PRKD1: variants seen among roughly 807,000 people sequenced by gnomAD.
PRKD1 encodes protein kinase D1, also known as serine/threonine-protein kinase D1.
Under a neutral mutation model 95.9 loss-of-function variants are expected in PRKD1, and 63 were observed. The ratio of observed to expected loss-of-function variants is 0.66; its 90% CI spans 0.54 to 0.81. The LOEUF is 0.81. Ranked by LOEUF, PRKD1 falls within the 30% of genes least tolerant of loss-of-function variation. The probability of loss-of-function intolerance (pLI) is 0.00; values close to 1 mark genes in which losing one functional copy is unlikely to be tolerated. For missense variants in PRKD1, 1,048 were observed against 1,165.3 expected (o/e 0.90, Z 1.47); for synonymous variants, 425 against 423.1 (o/e 1.00, Z -0.05).
At chr14:29,923,379 A>C (rs1305788703) in intron 1 of PRKD1, among the ~76,000 whole-genome samples, 1 of 152,162 alleles carries the variant, frequency 6.6e-6, no homozygotes, top group Non-Finnish European at 1.5e-5. Context: ...GTTTAAAAGG[A>C]GTTTGTTGGT....
At chr14:29,668,492 T>C (rs1303851351) in intron 2 of PRKD1, among the ~76,000 whole-genome samples, 8 of 152,204 alleles carry the variant, frequency 5.3e-5, no homozygotes, top group East Asian at 3.8e-4. Flanking sequence ...CAGCCTATTG[T>C]TATACTCCAG....
chr14:29,587,819 ATT>A (rs1040854013), intron 16 of PRKD1, among the ~76,000 whole-genome samples: 7 of 152,200 alleles, frequency 4.6e-5, no homozygotes, highest in Admixed American at 2.0e-4. Context: ...TGTATAAAAT[ATT>A]CTTTTATTAA....
intron 1 of PRKD1, among the ~76,000 whole-genome samples, chr14:29,907,995 T>C (rs1203134125): frequency 6.6e-6 from 1 of 152,212 alleles, no homozygotes. Flanking sequence ...TGTGGTTTTA[T>C]AGTTTATTTG....
chr14:29,645,796 G>T (rs1210331151), intron 4 of PRKD1, among the ~76,000 whole-genome samples: 2 of 151,856 alleles, frequency 1.3e-5, no homozygotes, highest in African/African-American at 4.8e-5. Context: ...TTATTCTTCA[G>T]ATTTCAGTTC....
At chr14:29,625,516 A>G (rs1879560546) in intron 12 of PRKD1, among the ~76,000 whole-genome samples, 1 of 152,132 alleles carries the variant, frequency 6.6e-6, no homozygotes, top group African/African-American at 2.4e-5. Context: ...TGCATTATGT[A>G]TATTTACCAT....
At chr14:29,712,428 A>T (rs1885378693) in intron 2 of PRKD1, among the ~76,000 whole-genome samples, 1 of 152,136 alleles carries the variant, frequency 6.6e-6, no homozygotes, top group Non-Finnish European at 1.5e-5. Flanking sequence ...GTTAGCCAGA[A>T]ATTTTTCATT....
At chr14:29,692,120 T>C (rs1398848968) in intron 2 of PRKD1, among the ~76,000 whole-genome samples, 2 of 152,192 alleles carry the variant, frequency 1.3e-5, no homozygotes, top group Non-Finnish European at 1.5e-5. Flanking sequence ...GTGTGAGTCA[T>C]TAATTTATGA....
chr14:29,763,764 T>G (rs769419330), intron 1 of PRKD1, among the ~76,000 whole-genome samples: 1 of 152,142 alleles, frequency 6.6e-6, no homozygotes, highest in Non-Finnish European at 1.5e-5. Context: ...CTCCTCTTTT[T>G]GCAGCTGCAA....
intron 1 of PRKD1, among the ~76,000 whole-genome samples, chr14:29,888,980 A>G (rs933536147): frequency 7.9e-5 from 12 of 152,176 alleles, no homozygotes; most frequent in Non-Finnish European, 1.5e-5. Context: ...TCAAGCATCT[A>G]TCTTTCCTAT....
chr14:29,607,993 A>G (rs772259686), intron 13 of PRKD1, among the ~76,000 whole-genome samples: 1 of 152,222 alleles, frequency 6.6e-6, no homozygotes, highest in Admixed American at 6.5e-5. Context: ...AAACTGAGGG[A>G]AAGAGTTCAC....
At chr14:29,829,780 CT>C (rs1891333362) in intron 1 of PRKD1, among the ~76,000 whole-genome samples, 1 of 152,004 alleles carries the variant, frequency 6.6e-6, no homozygotes, top group African/African-American at 2.4e-5. Context: ...CAATGTCCTA[CT>C]TTTTTTTCAT....
chr14:29,885,219 T>C (rs544738388), intron 1 of PRKD1, among the ~76,000 whole-genome samples: 1 of 151,778 alleles, frequency 6.6e-6, no homozygotes, highest in African/African-American at 2.4e-5. Context: ...GCAAAGGGAA[T>C]GACCTGGATA....
At chr14:29,824,813 G>A (rs1226794058) in intron 1 of PRKD1, among the ~76,000 whole-genome samples, 6 of 152,040 alleles carry the variant, frequency 3.9e-5, no homozygotes, top group Admixed American at 2.0e-4. Context: ...GTATATCCTT[G>A]AGGATATGTC....
At chr14:29,677,706 C>G (rs1245400658) in intron 2 of PRKD1, among the ~76,000 whole-genome samples, 1 of 152,186 alleles carries the variant, frequency 6.6e-6, no homozygotes, top group Non-Finnish European at 1.5e-5. Context: ...TCCCGAATAG[C>G]TGGGATTACA....
intron 1 of PRKD1, among the ~76,000 whole-genome samples, chr14:29,743,438 G>A (rs181385544): frequency 6.6e-6 from 1 of 152,034 alleles, no homozygotes; most frequent in Non-Finnish European, 1.5e-5. Context: ...GAGAGAGAAA[G>A]CTAGTTTGAA....
At chr14:29,663,036 GATAT>G (rs1194237531) in intron 4 of PRKD1, among the ~76,000 whole-genome samples, 1 of 142,600 alleles carries the variant, frequency 7.0e-6, no homozygotes. Context: ...ATATCCATAA[GATAT>G]ATATATATTT....
chr14:29,833,455 T>C (rs1891492921), intron 1 of PRKD1, among the ~76,000 whole-genome samples: 1 of 152,146 alleles, frequency 6.6e-6, no homozygotes, highest in African/African-American at 2.4e-5. Context: ...TAAAATTTCA[T>C]TTTAACATTC....
intron 4 of PRKD1, chr14:29,652,774 C>T (rs1268441584): frequency 6.6e-6 from 1 of 152,154 alleles, no homozygotes; most frequent in Admixed American, 6.5e-5. Context: ...CCTGGAATTC[C>T]AGAACACAAG....
chr14:29,735,114 CA>C (rs1409259812), intron 1 of PRKD1, among the ~76,000 whole-genome samples: 1 of 152,100 alleles, frequency 6.6e-6, no homozygotes, highest in Non-Finnish European at 1.5e-5. Context: ...ACTCCTCATG[CA>C]CTTTTAAAAT....
Sources: gnomAD v4.1 joint callset for allele counts (sites outside exome capture counted in the v4.1 genomes callset) on GRCh38, gnomAD v4.1.1 for gene constraint, MANE v1.5 for transcripts, NCBI Gene and HGNC (gene_info 2026-07-23, HGNC 2026-07-21) for gene names.